The following SETBP1 variants were observed in gnomAD, a reference collection of about 807,000 sequenced individuals.
SETBP1 encodes SET-binding protein.
A neutral mutation model predicts 101.0 loss-of-function variants in SETBP1; 9 were observed. The observed-to-expected ratio is 0.09, with a 90% CI of 0.05 to 0.16. SETBP1 has a LOEUF of 0.16. SETBP1 is among the 10% of genes least tolerant of loss of function. SETBP1 has a pLI of 1.00. For synonymous variants in SETBP1, 818 were observed against 788.5 expected (o/e 1.04, Z -0.63); for missense variants, 1,858 against 2,033.8 (o/e 0.91, Z 1.66).
At chr18:44,920,510 C>G (rs895359490) in intron 3 of SETBP1, among the ~76,000 whole-genome samples, 1 of 152,132 alleles carries the variant, frequency 6.6e-6, no homozygotes, top group Non-Finnish European at 1.5e-5. Flanking sequence ...AATTGTAATT[C>G]GGCTAAGCCC....
At chr18:44,922,438 C>G (rs945540118) in intron 3 of SETBP1, among the ~76,000 whole-genome samples, 2 of 152,178 alleles carry the variant, frequency 1.3e-5, no homozygotes, top group African/African-American at 4.8e-5. Context: ...CACTGAGGTT[C>G]TAGGAAGGGA....
At chr18:44,712,677 T>C (rs1306534272) in intron 2 of SETBP1, among the ~76,000 whole-genome samples, 2 of 152,052 alleles carry the variant, frequency 1.3e-5, no homozygotes, top group African/African-American at 4.8e-5. Flanking sequence ...ACCATTTAGA[T>C]AAATGGCAGG....
chr18:44,901,446 T>A (rs140602797), intron 3 of SETBP1, among the ~76,000 whole-genome samples: 303 of 152,322 alleles, frequency 2.0e-3, no homozygotes, highest in African/African-American at 6.6e-3. Flanking sequence ...ATTCTTAACA[T>A]CATCTTTGCC....
intron 3 of SETBP1, among the ~76,000 whole-genome samples, chr18:44,915,245 C>T (rs978947443): frequency 6.6e-6 from 1 of 152,174 alleles, no homozygotes; most frequent in African/African-American, 2.4e-5. Context: ...AGCAGTTCTC[C>T]TGACTTCAGA....
At chr18:44,737,541 A>C (rs1250465419) in intron 2 of SETBP1, among the ~76,000 whole-genome samples, 1 of 152,344 alleles carries the variant, frequency 6.6e-6, no homozygotes, top group Non-Finnish European at 1.5e-5. Context: ...TAGAGTGTAA[A>C]ATCCACTAGA....
chr18:45,056,415 G>GGCCAAGT (rs2073809410), intron 5 of SETBP1, among the ~76,000 whole-genome samples: 1 of 152,196 alleles, frequency 6.6e-6, no homozygotes, highest in Admixed American at 6.5e-5. Context: ...AAGTGTGACA[G>GGCCAAGT]GTGACCTGTC....
intron 3 of SETBP1, among the ~76,000 whole-genome samples, chr18:44,888,275 T>G (rs2069693708): frequency 6.6e-6 from 1 of 152,130 alleles, no homozygotes; most frequent in Admixed American, 6.6e-5. Context: ...TGTGAGTTAG[T>G]TAGTTCCTCC....
intron 4 of SETBP1, among the ~76,000 whole-genome samples, chr18:44,963,406 G>A (rs890564196): frequency 5.3e-5 from 8 of 152,178 alleles, no homozygotes; most frequent in African/African-American, 1.9e-4. Flanking sequence ...CTCACCTGGG[G>A]AAAGAGAACT....
At chr18:44,844,038 C>G (rs2072673604) in intron 2 of SETBP1, among the ~76,000 whole-genome samples, 1 of 152,110 alleles carries the variant, frequency 6.6e-6, no homozygotes, top group Non-Finnish European at 1.5e-5. Flanking sequence ...AATTTTCACT[C>G]CTGTCATTTT....
Position 45,063,616 on chromosome 18 carries a change from A to C in SETBP1, c.4709A>C (p.Gln1570Pro), listed in dbSNP as rs1320376772. ...CAGCCCCCACAGCAGTCGCCCCCGC[A>C]GCAGCCCCTTCCCCAGGAAGAGGAG... ...PAQPPQQSPP[Q>P]QPLPQEEEVK... is the part of the protein sequence containing the mutation. Residue 1570 changes from glutamine (Q) to proline (P), a missense_variant, in exon 6 of 6, where the codon CAG (glutamine) becomes CCG (proline). Transcript: ENST00000649279. The C allele has an allele frequency of 6.5e-7, 1 of 1,535,450 alleles. No homozygotes were observed. The highest frequency in any genetic ancestry group is 2.7e-5 in the East Asian group (1 of 37,654).
chr18:44,778,391 G>T (rs534270401), intron 2 of SETBP1, among the ~76,000 whole-genome samples: 1 of 152,240 alleles, frequency 6.6e-6, no homozygotes, highest in African/African-American at 2.4e-5. Context: ...TGGACTTAGG[G>T]TTAAGAAGTT....
chr18:44,701,778 T>C lies in SETBP1; in HGVS notation c.432T>C (p.Ala144=). The stretch of plus-strand genomic sequence containing the variant: ...CTGGGGACCAGAAGGTGTCCCGTGC[T>C]GGAAAAAATAGCAAAGCCACGAAGG... ...KQSGDQKVSR[A]GKNSKATKEE... Residue 144 remains alanine, a synonymous_variant, in exon 2 of 6, where the codon GCT becomes GCC. Transcript: ENST00000649279. The C allele has an allele frequency of 6.2e-7, 1 of 1,614,086 alleles. No individual in the cohort carries two copies. Among genetic ancestry groups the C allele is most frequent in the African/African-American group, 1.3e-5 (1 of 75,012 alleles).
intron 3 of SETBP1, among the ~76,000 whole-genome samples, chr18:44,892,843 C>T (rs745823452): frequency 2.0e-5 from 3 of 152,056 alleles, no homozygotes; most frequent in Non-Finnish European, 4.4e-5. Context: ...TCAACCAAGC[C>T]TTTATTAATA....
intron 4 of SETBP1, among the ~76,000 whole-genome samples, chr18:44,961,618 TG>T (rs2071612687): frequency 6.6e-6 from 1 of 152,166 alleles, no homozygotes; most frequent in Non-Finnish European, 1.5e-5. Flanking sequence ...AGAAACACAA[TG>T]CCAGATTCCC....
intron 2 of SETBP1, among the ~76,000 whole-genome samples, chr18:44,706,021 G>T (rs1396308347): frequency 6.6e-6 from 1 of 152,160 alleles, no homozygotes; most frequent in Non-Finnish European, 1.5e-5. Context: ...GGATTTACAT[G>T]CTTTACATGA....
intron 2 of SETBP1, among the ~76,000 whole-genome samples, chr18:44,866,503 A>G (rs1215973063): frequency 2.6e-5 from 4 of 152,248 alleles, no homozygotes. Context: ...CAAAATTTAC[A>G]TAAGATAGAA....
At chr18:44,706,591 CAAAAAA>C (rs1018470585) in intron 2 of SETBP1, among the ~76,000 whole-genome samples, 35 of 16,956 alleles carry the variant, frequency 2.1e-3, no homozygotes, top group East Asian at 6.8e-3. Context: ...GACTCAATCT[CAAAAAA>C]AAAAAAAAAA....
intron 2 of SETBP1, among the ~76,000 whole-genome samples, chr18:44,745,458 C>G (rs1263466745): frequency 6.6e-6 from 1 of 152,050 alleles, no homozygotes; most frequent in Admixed American, 6.5e-5. Context: ...GTCTCAAAGA[C>G]CCAGTTTCTT....
chr18:44,931,245 G>A (rs964050427), intron 3 of SETBP1, among the ~76,000 whole-genome samples: 14 of 152,256 alleles, frequency 9.2e-5, no homozygotes, highest in South Asian at 4.1e-4. Context: ...GTAGTTGAGC[G>A]GTTTTGAGTG....
Sources: gnomAD v4.1 joint callset for allele counts (sites outside exome capture counted in the v4.1 genomes callset) on GRCh38, gnomAD v4.1.1 for gene constraint, MANE v1.5 for transcripts, NCBI Gene and HGNC (gene_info 2026-07-23, HGNC 2026-07-21) for gene names.